CSRNP3: variants seen among roughly 807,000 people sequenced by gnomAD.
CSRNP3 encodes the protein cysteine/serine-rich nuclear protein 3.
In CSRNP3, 12 loss-of-function variants were observed where a neutral mutation model predicts 48.0. That is an observed-to-expected ratio of 0.25 (90% CI 0.16 to 0.41). The LOEUF (loss-of-function observed/expected upper bound fraction) is 0.41, where lower values mean the gene tolerates loss of function less well. CSRNP3 is among the 10% of genes least tolerant of loss of function. The pLI is 1.00. For synonymous variants in CSRNP3, 263 were observed against 269.7 expected (o/e 0.98, Z 0.24); for missense variants, 580 against 724.4 (o/e 0.80, Z 2.29).
intron 3 of CSRNP3, among the ~76,000 whole-genome samples, chr2:165,534,674 AAAT>A (rs1225378288): frequency 2.0e-5 from 3 of 151,882 alleles, no homozygotes; most frequent in African/African-American, 7.2e-5. Flanking sequence ...TTTAATAAAA[AAAT>A]AAAGTGGTTC....
intron 5 of CSRNP3, among the ~76,000 whole-genome samples, chr2:165,671,657 T>C (rs1368941001): frequency 6.6e-6 from 1 of 152,248 alleles, no homozygotes; most frequent in Non-Finnish European, 1.5e-5. Flanking sequence ...GTCTCCAACA[T>C]GCCCTGGAGA....
At chr2:165,565,037 AT>A (rs1685280131) in intron 3 of CSRNP3, among the ~76,000 whole-genome samples, 1 of 152,230 alleles carries the variant, frequency 6.6e-6, no homozygotes, top group African/African-American at 2.4e-5. Context: ...CAGTAGCAGT[AT>A]AACGCTCAAT....
At chr2:165,583,463 A>G (rs539715076) in intron 3 of CSRNP3, among the ~76,000 whole-genome samples, 39 of 152,322 alleles carry the variant, frequency 2.6e-4, no homozygotes, top group African/African-American at 6.3e-4. Context: ...TTGCTGGAAA[A>G]GACCCCAGTG....
In CSRNP3 at chr2:165,676,445, A is replaced by G; in HGVS notation, c.542A>G (p.Lys181Arg). 6.2e-7 allele frequency: 1 copy of G among 1,614,176 alleles called. No homozygotes were observed. Among genetic ancestry groups the G allele is most frequent in the Non-Finnish European group, 8.5e-7 (1 of 1,180,022 alleles). The change falls in exon 6 of 7, where the codon AAA becomes AGA. Residue 181 changes from lysine (K) to arginine (R), a missense_variant. Lys to Arg is a conservative substitution (Grantham distance 26, BLOSUM62 2). Around this residue, in one of 4 missense-constraint regions of CSRNP3, gnomAD observed 66 missense variants for 137.6 expected, o/e 0.48. Transcript: ENST00000651982. ...YFFLQPLPTK[K>R]RRALLRASGV... ...TTCCTACAACCTTTGCCAACAAAAA[A>G]ACGAAGAGCTCTGCTGCGTGCCTCT...
chr2:165,609,120 A>G (rs1279927041), intron 4 of CSRNP3, among the ~76,000 whole-genome samples: 1 of 144,392 alleles, frequency 6.9e-6, no homozygotes, highest in African/African-American at 2.6e-5. Context: ...AAAAAAAAAA[A>G]GTAGTGTCTG....
intron 3 of CSRNP3, among the ~76,000 whole-genome samples, chr2:165,538,467 G>C (rs928215465): frequency 6.6e-6 from 1 of 151,708 alleles, no homozygotes; most frequent in Non-Finnish European, 1.5e-5. Flanking sequence ...AGCTAGGTGC[G>C]TATTCTATCC....
chr2:165,609,703 C>G (rs926725406), intron 4 of CSRNP3, among the ~76,000 whole-genome samples: 1 of 152,060 alleles, frequency 6.6e-6, no homozygotes, highest in African/African-American at 2.4e-5. Context: ...GGACATCGTA[C>G]ATTTTATTAA....
At chr2:165,480,496 G>A (rs1684026044) in intron 1 of CSRNP3, among the ~76,000 whole-genome samples, 1 of 152,032 alleles carries the variant, frequency 6.6e-6, no homozygotes, top group African/African-American at 2.4e-5. Context: ...TTGGCACATA[G>A]TAAGCACTAT....
At chr2:165,634,694 C>T (rs1031775503) in intron 4 of CSRNP3, among the ~76,000 whole-genome samples, 1 of 152,178 alleles carries the variant, frequency 6.6e-6, no homozygotes, top group Non-Finnish European at 1.5e-5. Context: ...AGGCCCTGTG[C>T]TAGGTGCTAA....
At chr2:165,605,925 A>G (rs1230136186) in intron 4 of CSRNP3, among the ~76,000 whole-genome samples, 1 of 152,138 alleles carries the variant, frequency 6.6e-6, no homozygotes, top group Non-Finnish European at 1.5e-5. Flanking sequence ...GCATGGAACA[A>G]ATAGGGAGCA....
chr2:165,661,362 A>G (rs1558965680), intron 5 of CSRNP3, among the ~76,000 whole-genome samples: 1 of 152,176 alleles, frequency 6.6e-6, no homozygotes, highest in African/African-American at 2.4e-5. Flanking sequence ...AGCCCACCTT[A>G]AACATGCTCA....
At chr2:165,551,237 C>T (rs1349552998) in intron 3 of CSRNP3, among the ~76,000 whole-genome samples, 1 of 152,176 alleles carries the variant, frequency 6.6e-6, no homozygotes, top group African/African-American at 2.4e-5. Flanking sequence ...CATACTGTCA[C>T]GTGTTCTCCC....
chr2:165,649,360 C>T (rs1475307318), intron 4 of CSRNP3, among the ~76,000 whole-genome samples: 9 of 152,126 alleles, frequency 5.9e-5, no homozygotes, highest in Admixed American at 3.3e-4. Context: ...TGAATATTTT[C>T]AATTTCATAT....
rs138750361 is a variant in CSRNP3, at chr2:165,644,763, G to A, written c.149-12998G>A. On this transcript the variant is annotated intron_variant, in intron 4 of 6. Transcript: ENST00000651982. ...GGTAGATATTGAGTGATAATTCTATGCCAGACATTGTGCTCAAGTAATTCT... is the reference window on the plus strand; with the variant it reads ...GGTAGATATTGAGTGATAATTCTATACCAGACATTGTGCTCAAGTAATTCT... 7.0e-4 allele frequency among the ~76,000 whole-genome samples: 106 copies of A among 152,290 alleles called. No homozygotes were observed. In the East Asian group the frequency reaches 0.017, roughly 24 times the overall value.
intron 4 of CSRNP3, among the ~76,000 whole-genome samples, chr2:165,641,300 T>G (rs1686717837): frequency 6.6e-6 from 1 of 151,988 alleles, no homozygotes; most frequent in Admixed American, 6.6e-5. Context: ...CCCTGAAGAG[T>G]TCTTTACTGA....
At chr2:165,519,444 TG>T (rs1684623171) in intron 3 of CSRNP3, among the ~76,000 whole-genome samples, 1 of 152,130 alleles carries the variant, frequency 6.6e-6, no homozygotes, top group Non-Finnish European at 1.5e-5. Context: ...TTGAAATGGG[TG>T]GGAATGCAGA....
chr2:165,524,764 A>G (rs1208708356), intron 3 of CSRNP3, among the ~76,000 whole-genome samples: 1 of 152,198 alleles, frequency 6.6e-6, no homozygotes, highest in South Asian at 2.1e-4. Context: ...GCATGTATCA[A>G]TAATTATTTC....
intron 2 of CSRNP3, among the ~76,000 whole-genome samples, chr2:165,502,951 A>T (rs909937886): frequency 6.6e-6 from 1 of 151,594 alleles, no homozygotes; most frequent in African/African-American, 2.4e-5. Flanking sequence ...GTGTGTGTGT[A>T]TGTGTGTGAA....
At chr2:165,589,462 G>A (rs1439539730) in intron 3 of CSRNP3, among the ~76,000 whole-genome samples, 1 of 152,172 alleles carries the variant, frequency 6.6e-6, no homozygotes, top group Non-Finnish European at 1.5e-5. Context: ...AAGCAATTTT[G>A]TACTTAACAG....
Sources: gnomAD v4.1 joint callset for allele counts (sites outside exome capture counted in the v4.1 genomes callset) on GRCh38, gnomAD v4.1.1 for gene constraint, gnomAD v4.1.1 regional missense constraint, MANE v1.5 for transcripts, NCBI Gene and HGNC (gene_info 2026-07-23, HGNC 2026-07-21) for gene names.